XXYLT1: variants seen among roughly 807,000 people sequenced by gnomAD.
XXYLT1 encodes the protein UDP-xylose:alpha-xyloside alpha-1,3-xylosyltransferase.
A neutral mutation model predicts 28.9 loss-of-function variants in XXYLT1; 20 were observed. The ratio of observed to expected loss-of-function variants is 0.69; its 90% CI spans 0.49 to 1.00. XXYLT1 has a LOEUF of 1.00. XXYLT1 is among the 50% of genes least tolerant of loss of function. The pLI, the probability that XXYLT1 is intolerant of heterozygous loss-of-function variation, is 0.00. For missense variants in XXYLT1, 542 were observed against 560.1 expected (o/e 0.97, Z 0.33); for synonymous variants, 257 against 253.8 (o/e 1.01, Z -0.12).
At chr3:195,177,912 G>C (rs906214503) in intron 2 of XXYLT1, among the ~76,000 whole-genome samples, 3 of 146,800 alleles carry the variant, frequency 2.0e-5, no homozygotes, top group African/African-American at 7.8e-5. Context: ...TCCAGCCTGA[G>C]TGACAGAGCA....
At chr3:195,117,245 G>A (rs927084788) in intron 3 of XXYLT1, among the ~76,000 whole-genome samples, 1 of 152,106 alleles carries the variant, frequency 6.6e-6, no homozygotes, top group South Asian at 2.1e-4. Context: ...ATGTACAAAT[G>A]AGAATGTTTG....
chr3:195,228,869 G>A (rs1377450075), intron 1 of XXYLT1, among the ~76,000 whole-genome samples: 1 of 151,250 alleles, frequency 6.6e-6, no homozygotes, highest in Non-Finnish European at 1.5e-5. Flanking sequence ...CTGGAGTGCA[G>A]TGGCGTGATC....
At chr3:195,213,986 C>T (rs983230051) in intron 2 of XXYLT1, among the ~76,000 whole-genome samples, 1 of 152,144 alleles carries the variant, frequency 6.6e-6, no homozygotes, top group East Asian at 1.9e-4. Flanking sequence ...TAGGAGCCAT[C>T]GCAGGTGGGA....
chr3:195,101,209 C>T (rs185648191), intron 3 of XXYLT1, among the ~76,000 whole-genome samples: 21 of 152,384 alleles, frequency 1.4e-4, no homozygotes, highest in Middle Eastern at 3.4e-3. Context: ...GTCCTTACGG[C>T]GCTTGGGCAG....
In XXYLT1 at chr3:195,256,952, A is replaced by G. The variant is rs1384927292; in HGVS notation, c.504+13603T>C. Among the ~76,000 whole-genome samples, 2 of 152,188 alleles carry G rather than the reference A, an allele frequency of 1.3e-5. No individual in the cohort carries two copies. Among genetic ancestry groups the G allele is most frequent in the African/African-American group, 4.8e-5 (2 of 41,442 alleles). ...CAAGTGAAGCCCCTTGTACCTCCCA[A>G]GGGCCAGCATCAGCATTTCTTCATG... is the stretch of plus-strand genomic sequence containing the variant. On this transcript the variant is annotated intron_variant, in intron 1 of 3. Coordinates refer to ENST00000310380, the MANE Select transcript of XXYLT1 (RefSeq NM_152531.5). This position sits in a 1 kb window ranked among gnomAD's most constrained non-coding sequence, Gnocchi z 4.2.
rs1339855979 is a variant in XXYLT1, at chr3:195,206,620, T to A, written c.652+20089A>T. ...CCCATCTCTACTAAAAATACAAAAA[T>A]TAGCCGGGCGTGGTGGCACGTGCCT... On this transcript the variant is annotated intron_variant, in intron 2 of 3. Coordinates refer to ENST00000310380, the MANE Select transcript of XXYLT1 (RefSeq NM_152531.5). Among the ~76,000 whole-genome samples, 4 of 151,764 alleles carry A rather than the reference T, an allele frequency of 2.6e-5. No individual in the cohort carries two copies. In the East Asian group the frequency reaches 7.8e-4, roughly 30 times the overall value.
At chr3:195,227,143 G>C (rs974852955) in intron 1 of XXYLT1, among the ~76,000 whole-genome samples, 4 of 152,172 alleles carry the variant, frequency 2.6e-5, no homozygotes, top group Non-Finnish European at 5.9e-5. Context: ...ACAGGAAATG[G>C]AAACAGCCCC....
At chr3:195,140,075 C>T (rs1329473770) in intron 3 of XXYLT1, among the ~76,000 whole-genome samples, 10 of 152,180 alleles carry the variant, frequency 6.6e-5, no homozygotes, top group Admixed American at 6.5e-4. Flanking sequence ...GAGGGTGCAG[C>T]CCTGGTGAGA....
intron 1 of XXYLT1, among the ~76,000 whole-genome samples, chr3:195,267,925 C>T (rs1483637950): frequency 4.6e-5 from 7 of 152,046 alleles, no homozygotes; most frequent in Non-Finnish European, 8.8e-5. Flanking sequence ...CTTTTAGAAT[C>T]GCACATTTAA....
At chr3:195,119,233 G>A (rs1167586763) in intron 3 of XXYLT1, among the ~76,000 whole-genome samples, 1 of 148,790 alleles carries the variant, frequency 6.7e-6, no homozygotes, top group Non-Finnish European at 1.5e-5. Context: ...GCAGTGAGCC[G>A]AGATTGCGCC....
At position 195,143,825 on chromosome 3, in the gene XXYLT1, T is replaced by G. The variant is rs1038597043; in HGVS notation, c.785+12624A>C. Among the ~76,000 whole-genome samples the G allele has an allele frequency of 4.1e-3, 387 of 93,782 alleles. 26 individuals are homozygous for G. Among genetic ancestry groups the G allele is most frequent in the African/African-American group, 0.014 (360 of 24,926 alleles). The allele number at this position is 93,782 out of a possible 152,430, so 61.5% of individuals were successfully genotyped here. On this transcript the variant is annotated intron_variant, in intron 3 of 3. Coordinates refer to ENST00000310380, the MANE Select transcript of XXYLT1 (RefSeq NM_152531.5). ...AGATAGATATATATAGATATAGATA[T>G]ATATAGATATAGATATAGATATATA...
chr3:195,139,304 T>G (rs1242510575), intron 3 of XXYLT1, among the ~76,000 whole-genome samples: 1 of 152,076 alleles, frequency 6.6e-6, no homozygotes, highest in African/African-American at 2.4e-5. Flanking sequence ...GAAATGAAAT[T>G]GAAAGTCGAG....
chr3:195,074,625 C>T (rs1214048354), intron 3 of XXYLT1, among the ~76,000 whole-genome samples: 1 of 152,214 alleles, frequency 6.6e-6, no homozygotes, highest in African/African-American at 2.4e-5. Context: ...TCCACCCAGG[C>T]CCAGAGGCTC....
At chr3:195,235,490 T>C (rs571141399) in intron 1 of XXYLT1, among the ~76,000 whole-genome samples, 1 of 152,384 alleles carries the variant, frequency 6.6e-6, no homozygotes, top group South Asian at 2.1e-4. Context: ...AGATCACATA[T>C]CTCTGTTTCT....
At chr3:195,162,821 C>T (rs1456696174) in intron 2 of XXYLT1, among the ~76,000 whole-genome samples, 5 of 152,190 alleles carry the variant, frequency 3.3e-5, no homozygotes, top group South Asian at 2.1e-4. Context: ...ATTTCCCTCT[C>T]GCTTCTATTG....
intron 1 of XXYLT1, among the ~76,000 whole-genome samples, chr3:195,261,769 G>A (rs1725707201): frequency 6.6e-6 from 1 of 152,206 alleles, no homozygotes; most frequent in Non-Finnish European, 1.5e-5. Context: ...ACATGTAATC[G>A]TCTCATTATT....
chr3:195,122,054 A>C, intron 3 of XXYLT1: 1 of 703,072 alleles, frequency 1.4e-6, no homozygotes, highest in Non-Finnish European at 2.6e-6. Flanking sequence ...GTCCAAGACC[A>C]ACGTGCCCAC....
chr3:195,110,807 G>C (rs1245691890), intron 3 of XXYLT1, among the ~76,000 whole-genome samples: 2 of 133,476 alleles, frequency 1.5e-5, no homozygotes, highest in East Asian at 5.2e-4. Flanking sequence ...GTGTATGTGT[G>C]CGTGTGTGTG....
chr3:195,175,797 T>A, intron 2 of XXYLT1: 1 of 1,477,504 alleles, frequency 6.8e-7, no homozygotes, highest in Non-Finnish European at 9.0e-7. Flanking sequence ...CCAGATGGCG[T>A]CGTTACAGGA....
Sources: gnomAD v4.1 joint callset for allele counts (sites outside exome capture counted in the v4.1 genomes callset) on GRCh38, gnomAD v4.1.1 for gene constraint, Gnocchi (gnomAD v3.1) non-coding constraint, MANE v1.5 for transcripts, NCBI Gene and HGNC (gene_info 2026-07-23, HGNC 2026-07-21) for gene names.